Variants in FAT3 observed in about 807,000 individuals in gnomAD.
The protein encoded by FAT3 is protocadherin Fat 3.
In FAT3, 95 loss-of-function variants were observed where a neutral mutation model predicts 310.2. The ratio of observed to expected loss-of-function variants is 0.31; its 90% CI spans 0.26 to 0.36. The LOEUF is 0.36. Among genes scored for constraint, FAT3 ranks in the 10% least tolerant of loss-of-function variants. FAT3 has a pLI of 1.00. For missense variants in FAT3, 5,408 were observed against 5,715.6 expected, an observed-to-expected ratio of 0.95 and a Z score of 1.74; for synonymous variants, 2,314 against 2,192.9, an observed-to-expected ratio of 1.06 and a Z score of -1.54.
intron 3 of FAT3, among the ~76,000 whole-genome samples, chr11:92,677,154 T>G (rs911418453): frequency 1.3e-5 from 2 of 152,240 alleles, no homozygotes; most frequent in African/African-American, 4.8e-5. Flanking sequence ...AACTTAGATG[T>G]TTAGCCTTGT....
At chr11:92,234,862 A>G (rs1416005893) in intron 1 of FAT3, among the ~76,000 whole-genome samples, 6 of 150,124 alleles carry the variant, frequency 4.0e-5, no homozygotes, top group Non-Finnish European at 8.8e-5. Context: ...AGATTGTGCC[A>G]TTGAACTCCA....
chr11:92,231,855 T>C (rs1255427812), intron 1 of FAT3, among the ~76,000 whole-genome samples: 5 of 152,194 alleles, frequency 3.3e-5, no homozygotes, highest in Non-Finnish European at 7.3e-5. Flanking sequence ...TGTGTTTTCT[T>C]TCAAAGCAAA....
At chr11:92,590,033 C>G (rs1939348903) in intron 3 of FAT3, among the ~76,000 whole-genome samples, 2 of 152,038 alleles carry the variant, frequency 1.3e-5, no homozygotes, top group Non-Finnish European at 2.9e-5. Context: ...CACCTTTTTC[C>G]TCACTGTATT....
intron 3 of FAT3, among the ~76,000 whole-genome samples, chr11:92,590,815 A>G (rs1939385702): frequency 6.6e-6 from 1 of 152,158 alleles, no homozygotes; most frequent in East Asian, 1.9e-4. Flanking sequence ...ATTTTTGCCT[A>G]CATTTTTTAC....
At chr11:92,431,798 C>T (rs1950787568) in intron 2 of FAT3, among the ~76,000 whole-genome samples, 1 of 152,082 alleles carries the variant, frequency 6.6e-6, no homozygotes, top group Admixed American at 6.5e-5. Flanking sequence ...TGTCAAAGAT[C>T]AGATGGTTGT....
At chr11:92,627,412 T>C (rs1370855214) in intron 3 of FAT3, among the ~76,000 whole-genome samples, 1 of 152,182 alleles carries the variant, frequency 6.6e-6, no homozygotes, top group Non-Finnish European at 1.5e-5. Flanking sequence ...TCTCCTTATT[T>C]AACAGTTCAT....
At chr11:92,586,077 C>T (rs946010558) in intron 3 of FAT3, among the ~76,000 whole-genome samples, 4 of 151,910 alleles carry the variant, frequency 2.6e-5, no homozygotes, top group Non-Finnish European at 5.9e-5. Context: ...AAATGTTTTT[C>T]CCCATGAGAG....
chr11:92,719,268 A>G (rs1325042785), intron 4 of FAT3, among the ~76,000 whole-genome samples: 1 of 152,184 alleles, frequency 6.6e-6, no homozygotes, highest in South Asian at 2.1e-4. Context: ...GCCAACTTAT[A>G]GAAGGAAACT....
chr11:92,266,511 G>A (rs533006743), intron 1 of FAT3, among the ~76,000 whole-genome samples: 17 of 152,240 alleles, frequency 1.1e-4, no homozygotes, highest in African/African-American at 1.9e-4. Flanking sequence ...AATCTAGGGT[G>A]TTTTCATTCC....
At chr11:92,388,294 C>T (rs1949673452) in intron 2 of FAT3, among the ~76,000 whole-genome samples, 3 of 152,068 alleles carry the variant, frequency 2.0e-5, no homozygotes, top group African/African-American at 4.8e-5. Context: ...CCCTCACTCC[C>T]TTACATGGTC....
intron 15 of FAT3, among the ~76,000 whole-genome samples, chr11:92,835,864 C>T (rs1565635908): frequency 3.9e-5 from 6 of 152,128 alleles, no homozygotes. Flanking sequence ...ATCCTGAGAA[C>T]ACAGATTCTG....
intron 2 of FAT3, chr11:92,367,285 A>G (rs1159646662): frequency 4.3e-6 from 1 of 230,638 alleles, no homozygotes; most frequent in African/African-American, 2.3e-5. Context: ...CAACTGGTAC[A>G]GATGATTAAA....
chr11:92,618,857 A>G (rs979354886), intron 3 of FAT3, among the ~76,000 whole-genome samples: 1 of 151,858 alleles, frequency 6.6e-6, no homozygotes, highest in Non-Finnish European at 1.5e-5. Flanking sequence ...TAATTGCCCT[A>G]GATAGAACTT....
At chr11:92,526,982 T>C (rs1018288473) in intron 3 of FAT3, among the ~76,000 whole-genome samples, 3 of 152,230 alleles carry the variant, frequency 2.0e-5, no homozygotes, top group African/African-American at 7.2e-5. Context: ...GGTTATAAAC[T>C]TAAGATATGG....
intron 3 of FAT3, among the ~76,000 whole-genome samples, chr11:92,668,151 G>C (rs1489620178): frequency 1.3e-5 from 2 of 152,184 alleles, no homozygotes; most frequent in Non-Finnish European, 2.9e-5. Context: ...AAAGTTGCAA[G>C]AACTTATCCA....
intron 3 of FAT3, among the ~76,000 whole-genome samples, chr11:92,622,357 T>C (rs1941127059): frequency 6.6e-6 from 1 of 152,156 alleles, no homozygotes; most frequent in Admixed American, 6.5e-5. Context: ...GTAATAAAAT[T>C]ATTTTTGTAC....
intron 3 of FAT3, among the ~76,000 whole-genome samples, chr11:92,672,119 C>CAAAT (rs1280161650): frequency 2.0e-5 from 3 of 151,894 alleles, no homozygotes; most frequent in African/African-American, 4.8e-5. Flanking sequence ...AACTCTGTCT[C>CAAAT]AAATAAATAA....
chr11:92,624,033 C>T (rs1941212707), intron 3 of FAT3, among the ~76,000 whole-genome samples: 1 of 152,136 alleles, frequency 6.6e-6, no homozygotes, highest in South Asian at 2.1e-4. Flanking sequence ...GATACAAATA[C>T]AAATGGATAC....
rs200507277 is a variant in FAT3 at position 92,844,678 on chromosome 11, C to T, written c.11311C>T (p.Arg3771Cys). Residue 3771 changes from arginine to cysteine, a missense_variant, in exon 19 of 28, where the codon CGC becomes TGC. Arg to Cys is a radical substitution (Grantham distance 180). This residue lies in a region of FAT3 where 4,588 missense variants were observed against 4,809.8 expected (regional missense o/e 0.95). Coordinates refer to ENST00000525166, the MANE Select transcript of FAT3 (RefSeq NM_001367949.2). ...SHALMTYSTA[R>C]ISFVCPRFYR... is the part of the protein sequence containing the mutation. ...CGCGCTCATGACCTACAGCACGGCT[C>T]GCATCAGCTTTGTGTGTCCGCGTTT... is the stretch of plus-strand genomic sequence containing the variant. 7.3e-5 allele frequency: 117 copies of T among 1,594,246 alleles called. 1 individual carries two copies. The highest frequency in any genetic ancestry group is 8.7e-5 in the Non-Finnish European group (102 of 1,168,156).
Sources: allele counts gnomAD v4.1 joint callset (sites outside exome capture counted in the v4.1 genomes callset), GRCh38; gene constraint gnomAD v4.1.1; regional missense constraint gnomAD v4.1.1; transcripts MANE v1.5; gene names NCBI Gene and HGNC (gene_info 2026-07-23, HGNC 2026-07-21).